AGR3: variants seen among roughly 807,000 people sequenced by gnomAD.
The protein encoded by AGR3 is anterior gradient 3, protein disulphide isomerase family member.
In AGR3, 37 loss-of-function variants were observed where a neutral mutation model predicts 24.5. That is an observed-to-expected ratio of 1.51 (90% CI 1.16 to 1.99). The LOEUF (loss-of-function observed/expected upper bound fraction) is 1.99. AGR3 is among the 30% of genes most tolerant of loss of function. The pLI, the probability that AGR3 is intolerant of heterozygous loss-of-function variation, is 0.00. For missense variants in AGR3, 228 were observed against 191.1 expected (o/e 1.19, Z -1.14); for synonymous variants, 75 against 61.6 (o/e 1.22, Z -1.02).
chr7:16,865,232 A>C, intron 3 of AGR3: 1 of 799,048 alleles, frequency 1.3e-6, no homozygotes, highest in Non-Finnish European at 2.1e-6. Context: ...TTGATTTTAA[A>C]GACATTCTTT....
chr7:16,865,684 C>T, intron 3 of AGR3: 1 of 802,154 alleles, frequency 1.2e-6, no homozygotes, highest in Admixed American at 1.7e-5. Context: ...GCATTTGTAA[C>T]TTGTTATACT....
chr7:16,864,342 G>A, intron 3 of AGR3: 1 of 1,355,980 alleles, frequency 7.4e-7, no homozygotes, highest in Non-Finnish European at 1.1e-6. Flanking sequence ...GCTGAGGCTG[G>A]CTGGCAGGCA....
intron 3 of AGR3, chr7:16,864,265 T>C: frequency 1.5e-6 from 2 of 1,332,372 alleles, no homozygotes; most frequent in Non-Finnish European, 1.1e-6. Context: ...GGCTGGCTTC[T>C]ATGTCCCATC....
intron 1 of AGR3, 115 bp from the exon 2 acceptor site, chr7:16,878,760 T>G: frequency 1.4e-6 from 1 of 706,080 alleles, no homozygotes; most frequent in Non-Finnish European, 2.3e-6. Context: ...GCTTTTTTGG[T>G]TTGACATGGT....
chr7:16,861,281 C>G, intron 6 of AGR3, 103 bp downstream of exon 6: 1 of 825,222 alleles, frequency 1.2e-6, no homozygotes, highest in Non-Finnish European at 1.8e-6. Context: ...GAAATGACTT[C>G]TCTTTAAAAA....
intron 3 of AGR3, among the ~76,000 whole-genome samples, chr7:16,869,652 A>G (rs903252218): frequency 2.7e-5 from 4 of 147,846 alleles, no homozygotes; most frequent in Admixed American, 2.0e-4. Flanking sequence ...GCTTGAGCCT[A>G]TAGTTGGGGC....
intron 3 of AGR3, among the ~76,000 whole-genome samples, chr7:16,868,731 C>T (rs562520241): frequency 1.3e-5 from 2 of 152,170 alleles, no homozygotes; most frequent in African/African-American, 2.4e-5. Flanking sequence ...ATTGCCCAGA[C>T]TAATGTCTGG....
At chr7:16,876,373 C>T (rs1781986817) in intron 2 of AGR3, among the ~76,000 whole-genome samples, 1 of 152,128 alleles carries the variant, frequency 6.6e-6, no homozygotes, top group Non-Finnish European at 1.5e-5. Flanking sequence ...GGACTAGGTA[C>T]TCAGCAATTC....
chr7:16,876,242 C>T (rs1367184082), intron 2 of AGR3, among the ~76,000 whole-genome samples: 2 of 152,142 alleles, frequency 1.3e-5, no homozygotes, highest in African/African-American at 4.8e-5. Context: ...CACTTCATGG[C>T]TTCTGCTCAT....
At chr7:16,865,837 T>A in intron 3 of AGR3, 1 of 742,476 alleles carries the variant, frequency 1.3e-6, no homozygotes, top group South Asian at 1.4e-5. Context: ...ACTCTTGTAC[T>A]TGAATACCAT....
At chr7:16,868,415 A>T (rs1457548357) in intron 3 of AGR3, among the ~76,000 whole-genome samples, 1 of 152,206 alleles carries the variant, frequency 6.6e-6, no homozygotes, top group Non-Finnish European at 1.5e-5. Context: ...TTGGCCTCCC[A>T]AAGTGCTGGG....
chr7:16,864,000 C>T (rs1386845542), intron 3 of AGR3, among the ~76,000 whole-genome samples: 2 of 152,144 alleles, frequency 1.3e-5, no homozygotes, highest in Non-Finnish European at 2.9e-5. Flanking sequence ...TTCAAACACA[C>T]TTTATACACA....
intron 6 of AGR3, among the ~76,000 whole-genome samples, chr7:16,860,960 T>C (rs1157301149): frequency 2.0e-5 from 3 of 152,116 alleles, no homozygotes; most frequent in Non-Finnish European, 2.9e-5. Flanking sequence ...GCTACATCCA[T>C]AAAACGTTCT....
In AGR3 at chr7:16,861,430, C is replaced by G; in HGVS notation, c.321G>C (p.Lys107Asn). 6.2e-7 allele frequency: 1 copy of G among 1,610,078 alleles called. No individual in the cohort carries two copies. The highest frequency in any genetic ancestry group is 8.5e-7 in the Non-Finnish European group (1 of 1,177,944). The change falls in exon 6 of 8, where the codon AAG (lysine) becomes AAC (asparagine). Residue 107 changes from lysine to asparagine, a missense_variant. Lys to Asn is a moderately conservative substitution (Grantham distance 94). Coordinates refer to ENST00000310398, the MANE Select transcript of AGR3 (RefSeq NM_176813.5). ...MLNLMHETTD[K>N]NLSPDGQYVP... ...CATATTGCCCATCAGGTGATAAATT[C>G]TTATCAGTGGTTTCATGCTAGCAGG... is the stretch of plus-strand genomic sequence containing the variant.
chr7:16,855,199 A>G (rs1273049932), downstream of AGR3, among the ~76,000 whole-genome samples: 1 of 152,208 alleles, frequency 6.6e-6, no homozygotes, highest in Non-Finnish European at 1.5e-5. Context: ...CTACAGTACT[A>G]TAGGACACTA....
chr7:16,856,802 TACAC>T (rs565474786), downstream of AGR3, among the ~76,000 whole-genome samples: 15 of 150,186 alleles, frequency 1.0e-4, no homozygotes, highest in Admixed American at 8.0e-4. Context: ...ATTATACACA[TACAC>T]ACACACATAC....
At chr7:16,865,132 A>T in intron 3 of AGR3, 1 of 736,992 alleles carries the variant, frequency 1.4e-6, no homozygotes, top group Admixed American at 2.1e-5. Context: ...AGAAACAGAG[A>T]AACGTCTTTG....
chr7:16,857,555 T>C (rs1339843571), downstream of AGR3, among the ~76,000 whole-genome samples: 3 of 152,198 alleles, frequency 2.0e-5, no homozygotes, highest in African/African-American at 7.2e-5. Context: ...AGTCTTCATA[T>C]GTTAAACTAT....
intron 3 of AGR3, 82 bp downstream of exon 3, chr7:16,873,698 C>A (rs990026412): frequency 1.9e-6 from 2 of 1,057,668 alleles, no homozygotes; most frequent in East Asian, 5.0e-5. Context: ...ATCAGCATAT[C>A]ACTCTATATT....
Sources: gnomAD v4.1 joint callset for allele counts (sites outside exome capture counted in the v4.1 genomes callset) on GRCh38, gnomAD v4.1.1 for gene constraint, MANE v1.5 for transcripts, NCBI Gene and HGNC (gene_info 2026-07-23, HGNC 2026-07-21) for gene names.